The following YIPF4 variants were observed in gnomAD, a reference collection of about 807,000 sequenced individuals.
YIPF4 encodes protein YIPF4.
Under a neutral mutation model 29.4 loss-of-function variants are expected in YIPF4, and 18 were observed. The ratio of observed to expected loss-of-function variants is 0.61; its 90% CI spans 0.42 to 0.91. YIPF4 has a LOEUF of 0.91. YIPF4 is among the 40% of genes least tolerant of loss of function. The probability of loss-of-function intolerance (pLI) is 0.00; values close to 1 mark genes in which losing one functional copy is unlikely to be tolerated. For synonymous variants in YIPF4, 115 were observed against 104.7 expected (o/e 1.10, Z -0.60); for missense variants, 279 against 282.7 (o/e 0.99, Z 0.09).
intron 1 of YIPF4, among the ~76,000 whole-genome samples, chr2:32,285,401 C>G (rs77097251): frequency 1.2e-3 from 183 of 152,170 alleles, no homozygotes; most frequent in Admixed American, 4.2e-3. Context: ...GGACTGGACT[C>G]AATATATTGC....
At position 32,278,190 on chromosome 2, in the gene YIPF4, C is replaced by T. The variant is rs1164320070; in HGVS notation, c.35C>T (p.Pro12Leu). The part of the protein sequence containing the change: ...QPPGPPPAYA[P>L]TNGDFTFVSS... ...CCGGGCCCGCCCCCGGCCTATGCCC[C>T]CACTAACGGGGACTTCACCTTTGTC... The change falls in exon 1 of 6, where the codon CCC (proline) becomes CTC (leucine). Residue 12 changes from proline to leucine, a missense_variant. By Grantham distance (98) the Pro-to-Leu change is moderately conservative. Transcript: ENST00000238831. The T allele has an allele frequency of 6.4e-7, 1 of 1,574,002 alleles. No homozygotes were observed. Among genetic ancestry groups the T allele is most frequent in the Non-Finnish European group, 8.6e-7 (1 of 1,160,444 alleles).
intron 1 of YIPF4, among the ~76,000 whole-genome samples, chr2:32,285,478 A>G (rs1458448400): frequency 6.6e-6 from 1 of 152,122 alleles, no homozygotes; most frequent in Non-Finnish European, 1.5e-5. Flanking sequence ...GCAGCTCACA[A>G]TACAGTGATC....
At chr2:32,304,991 A>G (rs1006992755) in intron 5 of YIPF4, among the ~76,000 whole-genome samples, 1 of 152,104 alleles carries the variant, frequency 6.6e-6, no homozygotes, top group African/African-American at 2.4e-5. Context: ...CTTAATAAAT[A>G]TTGTATAAAA....
At chr2:32,280,052 T>C (rs993416249) in intron 1 of YIPF4, among the ~76,000 whole-genome samples, 2 of 151,292 alleles carry the variant, frequency 1.3e-5, no homozygotes, top group African/African-American at 4.9e-5. Context: ...GTGGCTGGTT[T>C]TTCTGGGTGG....
Position 32,277,933 on chromosome 2 carries a change from G to C in YIPF4, c.-223G>C, listed in dbSNP as rs1463687527. On this transcript the variant is annotated 5_prime_UTR_variant, in exon 1 of 6. Coordinates refer to ENST00000238831, the MANE Select transcript of YIPF4 (RefSeq NM_032312.4). Reference sequence around the variant, plus strand: ...CTGTTATGGTCCTGTCAGGGTGCCGGCGTCGTGGTGCTTGGGTGGTCGCCA... The same window carrying C: ...CTGTTATGGTCCTGTCAGGGTGCCGCCGTCGTGGTGCTTGGGTGGTCGCCA... The C allele has an allele frequency of 3.8e-6, 2 of 525,302 alleles. No individual in the cohort carries two copies. Among genetic ancestry groups the C allele is most frequent in the African/African-American group, 2.0e-5 (1 of 48,870 alleles). The allele number at this position is 525,302 out of a possible 1,614,324, so 32.5% of individuals were successfully genotyped here.
rs1279882441 is a variant in YIPF4, at chr2:32,293,415, C to A, written c.405+1067C>A. Reference sequence around the variant, plus strand: ...AGAGCACAGGTTTGGGGGTAAGGTCCCAGATCAACAGGATCCCAAGGCAGA... The same window carrying A: ...AGAGCACAGGTTTGGGGGTAAGGTCACAGATCAACAGGATCCCAAGGCAGA... On this transcript the variant is annotated intron_variant, in intron 3 of 5. Transcript: ENST00000238831. Among the ~76,000 whole-genome samples the A allele has an allele frequency of 2.6e-5, 4 of 152,292 alleles. No homozygotes were observed. In the East Asian group the frequency reaches 5.8e-4, roughly 22 times the overall value.
At position 32,309,485 on chromosome 2, in the gene YIPF4, G is replaced by A. The variant is rs1397571727; in HGVS notation, c.*3859G>A. 4 of 152,210 alleles carry A rather than the reference G, an allele frequency of 2.6e-5. No individual in the cohort carries two copies. Among genetic ancestry groups the A allele is most frequent in the African/African-American group, 9.6e-5 (4 of 41,524 alleles). The allele number at this position is 152,210 out of a possible 1,614,324, so 9.4% of individuals were successfully genotyped here. ...AATTTGCATTGAATTAAAATGTGAA[G>A]TAAATATTTTTGTTTAAATATTGTT... On this transcript the variant is annotated 3_prime_UTR_variant, in exon 6 of 6. Coordinates refer to ENST00000238831, the MANE Select transcript of YIPF4 (RefSeq NM_032312.4).
At chr2:32,294,191 G>C (rs1356474737) in intron 3 of YIPF4, among the ~76,000 whole-genome samples, 2 of 152,022 alleles carry the variant, frequency 1.3e-5, no homozygotes, top group Non-Finnish European at 1.5e-5. Context: ...CCTCCCGGAC[G>C]GGGTGGCTGC....
chr2:32,283,483 T>C (rs1468831481), intron 1 of YIPF4, among the ~76,000 whole-genome samples: 1 of 152,232 alleles, frequency 6.6e-6, no homozygotes, highest in African/African-American at 2.4e-5. Context: ...TTTGTCTCCA[T>C]GTGGATGCAG....
chr2:32,298,199 A>T, intron 3 of YIPF4, 35 bp from the exon 4 acceptor site: 1 of 1,467,930 alleles, frequency 6.8e-7, no homozygotes, highest in Non-Finnish European at 9.5e-7. Context: ...CTTATTTGGT[A>T]TAAAAATATT....
At chr2:32,293,484 C>G (rs917881549) in intron 3 of YIPF4, among the ~76,000 whole-genome samples, 3 of 152,224 alleles carry the variant, frequency 2.0e-5, no homozygotes, top group Non-Finnish European at 2.9e-5. Flanking sequence ...TCTCCCATGT[C>G]TACTTCTTTC....
intron 1 of YIPF4, among the ~76,000 whole-genome samples, chr2:32,281,052 TCCACATACTAA>T (rs1216164750): frequency 6.6e-6 from 1 of 152,194 alleles, no homozygotes; most frequent in African/African-American, 2.4e-5. Context: ...ACCCATTGAT[TCCACATACTAA>T]GAAACCTGAA....
Position 32,310,749 on chromosome 2 carries a change from C to G in YIPF4, c.*5123C>G, listed in dbSNP as rs1188078068. On this transcript the variant is annotated 3_prime_UTR_variant, in exon 6 of 6. Transcript: ENST00000238831. ...AATTAGCTGGGCATGTGGCACCTGC[C>G]TGTGGTCCCAGCTACTCAGGAGGCT... 4 of 152,092 alleles carry G rather than the reference C, an allele frequency of 2.6e-5. No individual in the cohort carries two copies. The highest frequency in any genetic ancestry group is 6.6e-5 in the Admixed American group (1 of 15,252). 9.4% of individuals were successfully genotyped at this position (152,092 alleles called of 1,614,324 possible).
chr2:32,288,412 C>G (rs1295780638), intron 1 of YIPF4, among the ~76,000 whole-genome samples: 4 of 152,096 alleles, frequency 2.6e-5, no homozygotes, highest in African/African-American at 9.7e-5. Flanking sequence ...TTCTAGAAAC[C>G]AGGAAACAGT....
rs957736542 is a variant in YIPF4, at chr2:32,306,710, C to T, written c.*1084C>T. ...GTGAAATATTTGTTGCAAATAATTTCATAGGTTTTTAGATACACCTGTAGT... is the reference window on the plus strand; with the variant it reads ...GTGAAATATTTGTTGCAAATAATTTTATAGGTTTTTAGATACACCTGTAGT... On this transcript the variant is annotated 3_prime_UTR_variant, in exon 6 of 6. Transcript: ENST00000238831. 6.4e-6 allele frequency: 4 copies of T among 623,382 alleles called. No homozygotes were observed. Among genetic ancestry groups the T allele is most frequent in the Non-Finnish European group, 8.0e-6 (4 of 499,934 alleles). The allele number at this position is 623,382 out of a possible 1,614,324, so 38.6% of individuals were successfully genotyped here.
chr2:32,301,731 A>T (rs113885710), intron 5 of YIPF4, among the ~76,000 whole-genome samples: 4 of 152,120 alleles, frequency 2.6e-5, no homozygotes, highest in African/African-American at 9.6e-5. Flanking sequence ...AGGTTTCAGG[A>T]TATTATAGTC....
chr2:32,295,004 C>G lies in YIPF4; in HGVS notation c.405+2656C>G, dbSNP rs573800392. Among the ~76,000 whole-genome samples, 36 of 136,356 alleles carry G rather than the reference C, an allele frequency of 2.6e-4. 1 individual carries two copies. In the East Asian group the frequency reaches 6.2e-3, roughly 24 times the overall value. 89.5% of individuals were successfully genotyped at this position (136,356 alleles called of 152,430 possible). On this transcript the variant is annotated intron_variant, in intron 3 of 5. Transcript: ENST00000238831. Reference sequence around the variant, plus strand: ...ATCAGGCAGGGAGGTTGCAGTGAGCCGAGATGGCAGCAGTACAGTCCAGCT... The same window carrying G: ...ATCAGGCAGGGAGGTTGCAGTGAGCGGAGATGGCAGCAGTACAGTCCAGCT...
At chr2:32,293,822 G>C (rs1466890333) in intron 3 of YIPF4, among the ~76,000 whole-genome samples, 1 of 149,352 alleles carries the variant, frequency 6.7e-6, no homozygotes, top group African/African-American at 2.5e-5. Context: ...TCCCGGACGG[G>C]GCGGCTGGCC....
chr2:32,294,231 G>A (rs1416484460), intron 3 of YIPF4, among the ~76,000 whole-genome samples: 2 of 152,022 alleles, frequency 1.3e-5, no homozygotes, highest in Non-Finnish European at 2.9e-5. Flanking sequence ...CTTCCCAGAC[G>A]GGGTGGCTGC....
Sources: allele counts gnomAD v4.1 joint callset (sites outside exome capture counted in the v4.1 genomes callset), GRCh38; gene constraint gnomAD v4.1.1; transcripts MANE v1.5; gene names NCBI Gene and HGNC (gene_info 2026-07-23, HGNC 2026-07-21).